LEPR: variants seen among roughly 807,000 people sequenced by gnomAD.
The protein encoded by LEPR is OB receptor.
In LEPR, 56 loss-of-function variants were observed where a neutral mutation model predicts 114.7. The observed-to-expected ratio is 0.49, with a 90% CI of 0.39 to 0.61. The LOEUF (loss-of-function observed/expected upper bound fraction) is 0.61. LEPR is among the 20% of genes least tolerant of loss of function. The pLI, the probability that LEPR is intolerant of heterozygous loss-of-function variation, is 0.00. For missense variants in LEPR, 1,202 were observed against 1,352.9 expected, an observed-to-expected ratio of 0.89 and a Z score of 1.75; for synonymous variants, 443 against 461.4, an observed-to-expected ratio of 0.96 and a Z score of 0.51.
At chr1:65,474,457 T>A (rs943708018) in intron 2 of LEPR, among the ~76,000 whole-genome samples, 19 of 152,200 alleles carry the variant, frequency 1.2e-4, no homozygotes, top group African/African-American at 4.6e-4. Flanking sequence ...TGGTAGCATA[T>A]CATTTACAGA....
At chr1:65,498,089 T>C (rs1648255340) in intron 2 of LEPR, among the ~76,000 whole-genome samples, 1 of 152,156 alleles carries the variant, frequency 6.6e-6, no homozygotes, top group Non-Finnish European at 1.5e-5. Context: ...AGGATAGTGG[T>C]ATAATTAATT....
At chr1:65,584,984 T>C (rs1399691756) in intron 5 of LEPR, among the ~76,000 whole-genome samples, 1 of 152,090 alleles carries the variant, frequency 6.6e-6, no homozygotes, top group Non-Finnish European at 1.5e-5. Context: ...TGGCATTCAA[T>C]AGGTCTGGGT....
chr1:65,530,106 A>G (rs1389320191), intron 2 of LEPR, among the ~76,000 whole-genome samples: 1 of 152,126 alleles, frequency 6.6e-6, no homozygotes, highest in Non-Finnish European at 1.5e-5. Flanking sequence ...TCCAGTTCAA[A>G]TTCTCCACAT....
intron 16 of LEPR, among the ~76,000 whole-genome samples, chr1:65,618,438 A>G (rs1570832540): frequency 6.6e-6 from 1 of 151,268 alleles, no homozygotes; most frequent in African/African-American, 2.4e-5. Context: ...CTATCTTTCC[A>G]CCTCAGCTTC....
intron 2 of LEPR, among the ~76,000 whole-genome samples, chr1:65,481,067 A>G (rs1180995161): frequency 1.3e-5 from 2 of 152,178 alleles, no homozygotes; most frequent in Non-Finnish European, 2.9e-5. Context: ...GTTTCCCCTG[A>G]GGCCTCTCTC....
At chr1:65,525,541 C>T (rs966766869) in intron 2 of LEPR, 2 of 814,502 alleles carry the variant, frequency 2.5e-6, no homozygotes, top group Non-Finnish European at 3.0e-6. Flanking sequence ...TCCGCTCCTC[C>T]CGCTCAGGGG....
At chr1:65,461,653 C>T (rs1316205385) in intron 2 of LEPR, among the ~76,000 whole-genome samples, 1 of 152,184 alleles carries the variant, frequency 6.6e-6, no homozygotes, top group Non-Finnish European at 1.5e-5. Context: ...TATGTAGATA[C>T]TCTGTCCTCA....
At chr1:65,504,108 T>A (rs569406822) in intron 2 of LEPR, among the ~76,000 whole-genome samples, 21 of 152,184 alleles carry the variant, frequency 1.4e-4, no homozygotes, top group South Asian at 1.0e-3. Flanking sequence ...AGCAATAAGA[T>A]AAATAAGGTA....
intron 5 of LEPR, among the ~76,000 whole-genome samples, chr1:65,589,083 T>C (rs1174816044): frequency 6.6e-6 from 1 of 152,068 alleles, no homozygotes; most frequent in Non-Finnish European, 1.5e-5. Context: ...CTTGGTGTAG[T>C]CAGTCTTTTT....
chr1:65,628,041 T>C (rs1658319192), intron 19 of LEPR, among the ~76,000 whole-genome samples: 1 of 152,130 alleles, frequency 6.6e-6, no homozygotes, highest in African/African-American at 2.4e-5. Flanking sequence ...CCTATAATTA[T>C]GTTAATCAAA....
At chr1:65,478,874 A>C (rs1297572023) in intron 2 of LEPR, among the ~76,000 whole-genome samples, 1 of 152,180 alleles carries the variant, frequency 6.6e-6, no homozygotes, top group African/African-American at 2.4e-5. Flanking sequence ...GAAAACCTGG[A>C]GTTTGAGTAG....
intron 2 of LEPR, among the ~76,000 whole-genome samples, chr1:65,459,212 A>T (rs886095631): frequency 1.3e-5 from 2 of 152,170 alleles, no homozygotes; most frequent in Admixed American, 1.3e-4. Context: ...GTTGGCTAAG[A>T]TGTTGGCAGG....
intron 2 of LEPR, chr1:65,493,765 A>G (rs745580068): frequency 8.5e-5 from 13 of 152,102 alleles, no homozygotes; most frequent in Non-Finnish European, 1.0e-4. Flanking sequence ...TGACTTGTGT[A>G]TCTTTTAGTC....
chr1:65,425,427 A>G, intron 2 of LEPR, 49 bp downstream of exon 2: 3 of 1,514,860 alleles, frequency 2.0e-6, no homozygotes, highest in Non-Finnish European at 2.7e-6. Flanking sequence ...TGTCTTTGTC[A>G]CTATTAGTAT....
chr1:65,439,264 T>C (rs1646613988), intron 2 of LEPR, among the ~76,000 whole-genome samples: 1 of 152,178 alleles, frequency 6.6e-6, no homozygotes, highest in Non-Finnish European at 1.5e-5. Flanking sequence ...GAGAAATTAA[T>C]ATATTCCCTG....
intron 2 of LEPR, among the ~76,000 whole-genome samples, chr1:65,444,588 G>T (rs1049922359): frequency 2.8e-5 from 4 of 140,556 alleles, no homozygotes; most frequent in African/African-American, 1.0e-4. Context: ...AGGCGGGCGG[G>T]GGGTGGGGTG....
At chr1:65,424,549 A>AT (rs34196872) in intron 1 of LEPR, among the ~76,000 whole-genome samples, 70,967 of 151,774 alleles carry the variant, frequency 0.47, 17,055 homozygotes, top group East Asian at 0.86. Context: ...ATACTTTATG[A>AT]TTTCAAGGTG....
intron 8 of LEPR, among the ~76,000 whole-genome samples, chr1:65,599,336 G>T (rs79530647): frequency 1.3e-5 from 2 of 152,076 alleles, no homozygotes; most frequent in Non-Finnish European, 2.9e-5. Flanking sequence ...CCAGAGGCTT[G>T]GAATGGTCCT....
chr1:65,605,073 A>G lies in LEPR; in HGVS notation c.1439A>G (p.His480Arg), dbSNP rs1264308933. Reference protein sequence around the residue: ...SLYCSDIPSIHPISEPKDCYL... With the variant: ...SLYCSDIPSIRPISEPKDCYL... ...TACTGTTCTGATATTCCATCTATTC[A>G]TCCCATATCTGAGCCCAAAGATTGC... The change falls in exon 11 of 20, where the codon CAT becomes CGT. Residue 480 changes from histidine (H) to arginine (R), a missense_variant. By Grantham distance (29) the His-to-Arg change is conservative. Transcript: ENST00000349533. 5.6e-6 allele frequency: 9 copies of G among 1,613,898 alleles called. No individual in the cohort carries two copies. Among genetic ancestry groups the G allele is most frequent in the Non-Finnish European group, 7.6e-6 (9 of 1,180,018 alleles).
Sources: allele counts gnomAD v4.1 joint callset (sites outside exome capture counted in the v4.1 genomes callset), GRCh38; gene constraint gnomAD v4.1.1; transcripts MANE v1.5; gene names NCBI Gene and HGNC (gene_info 2026-07-23, HGNC 2026-07-21).